The following DLGAP2 variants were observed in gnomAD, a reference collection of about 807,000 sequenced individuals.
DLGAP2 encodes disks large-associated protein 2.
A neutral mutation model predicts 100.3 loss-of-function variants in DLGAP2; 26 were observed. The observed-to-expected ratio is 0.26, with a 90% CI of 0.19 to 0.36. The LOEUF (loss-of-function observed/expected upper bound fraction) is 0.36. Among genes scored for constraint, DLGAP2 ranks in the 10% least tolerant of loss-of-function variants. The pLI, the probability that DLGAP2 is intolerant of heterozygous loss-of-function variation, is 1.00. For synonymous variants in DLGAP2, 886 were observed against 630.1 expected (o/e 1.41, Z -6.08); for missense variants, 1,858 against 1,453.2 (o/e 1.28, Z -4.53).
At chr8:969,234 T>C (rs1170135925) in intron 2 of DLGAP2, among the ~76,000 whole-genome samples, 1 of 152,212 alleles carries the variant, frequency 6.6e-6, no homozygotes, top group African/African-American at 2.4e-5. Flanking sequence ...TGGCCTCCGA[T>C]GTCAGCTCTT....
intron 3 of DLGAP2, among the ~76,000 whole-genome samples, chr8:1,485,070 A>G (rs747444078): frequency 6.6e-6 from 1 of 152,226 alleles, no homozygotes; most frequent in African/African-American, 2.4e-5. Context: ...TTAAAGAACT[A>G]TAGAGAATGA....
chr8:1,338,939 T>A (rs1454535552), intron 3 of DLGAP2, among the ~76,000 whole-genome samples: 1 of 146,916 alleles, frequency 6.8e-6, no homozygotes, highest in Non-Finnish European at 1.5e-5. Context: ...TGCAATGACC[T>A]CAGTGAGGCG....
At chr8:1,637,997 A>T (rs1035429914) in intron 8 of DLGAP2, among the ~76,000 whole-genome samples, 8 of 152,134 alleles carry the variant, frequency 5.3e-5, no homozygotes, top group Non-Finnish European at 1.0e-4. Flanking sequence ...CGTCCCGAAA[A>T]CCGCTGGGCA....
At chr8:1,503,619 G>C (rs1220867485) in intron 4 of DLGAP2, among the ~76,000 whole-genome samples, 1 of 151,998 alleles carries the variant, frequency 6.6e-6, no homozygotes, top group Non-Finnish European at 1.5e-5. Flanking sequence ...CGGTTCATTT[G>C]GGTAAATGTC....
At chr8:1,312,430 C>T (rs985355271) in intron 3 of DLGAP2, among the ~76,000 whole-genome samples, 1 of 152,132 alleles carries the variant, frequency 6.6e-6, no homozygotes, top group African/African-American at 2.4e-5. Flanking sequence ...TTGCAAATCA[C>T]GTATCCAGTA....
chr8:1,415,336 C>T (rs1048181963), intron 3 of DLGAP2, among the ~76,000 whole-genome samples: 3 of 152,016 alleles, frequency 2.0e-5, no homozygotes, highest in South Asian at 2.1e-4. Context: ...ATTTTAGATC[C>T]GGGGGTACGT....
intron 6 of DLGAP2, among the ~76,000 whole-genome samples, chr8:1,597,880 T>C (rs1010743416): frequency 3.9e-5 from 6 of 152,200 alleles, no homozygotes; most frequent in Non-Finnish European, 7.3e-5. Flanking sequence ...TGTCTGATTG[T>C]CCTGACCAGA....
chr8:818,233 G>T (rs1243339568), intron 1 of DLGAP2, among the ~76,000 whole-genome samples: 1 of 152,156 alleles, frequency 6.6e-6, no homozygotes, highest in Non-Finnish European at 1.5e-5. Context: ...TTCCCAGGGG[G>T]ATTATGGCTG....
intron 4 of DLGAP2, among the ~76,000 whole-genome samples, chr8:1,505,326 G>A (rs1238539111): frequency 1.3e-5 from 2 of 152,202 alleles, no homozygotes; most frequent in African/African-American, 2.4e-5. Context: ...CACAGTATAG[G>A]TTAAAGTCAT....
At chr8:1,659,667 C>T (rs982951034) in intron 8 of DLGAP2, among the ~76,000 whole-genome samples, 3 of 152,000 alleles carry the variant, frequency 2.0e-5, no homozygotes, top group African/African-American at 4.8e-5. Flanking sequence ...AGTGCAACTC[C>T]TGCTATTTTT....
At chr8:854,155 T>G (rs189847523) in intron 1 of DLGAP2, among the ~76,000 whole-genome samples, 2 of 152,240 alleles carry the variant, frequency 1.3e-5, no homozygotes. Context: ...TGATACCTTG[T>G]TCTAGCAGCC....
chr8:1,296,580 A>G (rs1268413269), intron 3 of DLGAP2, among the ~76,000 whole-genome samples: 4 of 152,176 alleles, frequency 2.6e-5, no homozygotes, highest in African/African-American at 2.4e-5. Flanking sequence ...TTCTATATGA[A>G]TAAATATTTT....
At chr8:1,279,952 G>T (rs1486262995) in intron 3 of DLGAP2, among the ~76,000 whole-genome samples, 2 of 152,208 alleles carry the variant, frequency 1.3e-5, no homozygotes, top group Non-Finnish European at 2.9e-5. Context: ...CAGAGCCCAG[G>T]AGGTGCCTAT....
chr8:1,314,831 C>G (rs567662703), intron 3 of DLGAP2, among the ~76,000 whole-genome samples: 1 of 152,372 alleles, frequency 6.6e-6, no homozygotes, highest in East Asian at 1.9e-4. Flanking sequence ...AGGATTGAAC[C>G]TGTCACCAAC....
chr8:936,092 G>A lies in DLGAP2; in HGVS notation c.73+28126G>A, dbSNP rs985590007. Among the ~76,000 whole-genome samples, 4 of 152,090 alleles carry A rather than the reference G, an allele frequency of 2.6e-5. No homozygotes were observed. The East Asian group carries it at 5.8e-4, about 22-fold the overall frequency. ...GGAGCACGTTGTGGGTTGAGCTGCC[G>A]GTGTGTTCTGACTGAGTGGAACAGA... On this transcript the variant is annotated intron_variant, in intron 2 of 14. Transcript: ENST00000637795.
chr8:781,726 A>G (rs748910322), intron 1 of DLGAP2, among the ~76,000 whole-genome samples: 3 of 152,232 alleles, frequency 2.0e-5, no homozygotes, highest in Non-Finnish European at 4.4e-5. Context: ...CACACAAAGC[A>G]CATGAAAAAT....
At chr8:1,586,396 G>T (rs1336950242) in intron 6 of DLGAP2, among the ~76,000 whole-genome samples, 2 of 152,224 alleles carry the variant, frequency 1.3e-5, no homozygotes, top group Admixed American at 6.5e-5. Flanking sequence ...GCTGGACGGG[G>T]TGTGGGGTCT....
intron 4 of DLGAP2, among the ~76,000 whole-genome samples, chr8:1,536,483 A>G (rs1165996915): frequency 1.3e-5 from 2 of 152,182 alleles, no homozygotes; most frequent in African/African-American, 4.8e-5. Context: ...CAAGTGAACG[A>G]AAAGATCTTC....
At chr8:914,190 A>G (rs537477223) in intron 2 of DLGAP2, among the ~76,000 whole-genome samples, 3 of 152,230 alleles carry the variant, frequency 2.0e-5, no homozygotes, top group Admixed American at 6.5e-5. Flanking sequence ...TCACGCAGTG[A>G]GAACAGCAAA....
Sources: gnomAD v4.1 joint callset for allele counts (sites outside exome capture counted in the v4.1 genomes callset) on GRCh38, gnomAD v4.1.1 for gene constraint, MANE v1.5 for transcripts, NCBI Gene and HGNC (gene_info 2026-07-23, HGNC 2026-07-21) for gene names.